The following KIAA1217 variants were observed in gnomAD, a reference collection of about 807,000 sequenced individuals.
The protein encoded by KIAA1217 is KIAA1217, also known as sickle tail protein homolog.
Under a neutral mutation model 163.9 loss-of-function variants are expected in KIAA1217, and 88 were observed. The observed-to-expected ratio is 0.54, with a 90% confidence interval of 0.45 to 0.64. KIAA1217 has a LOEUF of 0.64. Among genes scored for constraint, KIAA1217 ranks in the 30% least tolerant of loss-of-function variants. The pLI, the probability that KIAA1217 is intolerant of heterozygous loss-of-function variation, is 0.00. For synonymous variants in KIAA1217, 903 were observed against 923.1 expected (o/e 0.98, Z 0.39); for missense variants, 2,372 against 2,475.0 (o/e 0.96, Z 0.88).
At position 24,154,530 on chromosome 10, in the gene KIAA1217, G is replaced by A. The variant is rs12265310; in HGVS notation, c.-170-65096G>A. Among the ~76,000 whole-genome samples the A allele has an allele frequency of 3.2e-3, 482 of 152,268 alleles. 1 individual carries two copies. The highest frequency in any genetic ancestry group is 0.011 in the African/African-American group (451 of 41,554). On this transcript the variant is annotated intron_variant, in intron 2 of 18. Coordinates refer to the KIAA1217 transcript ENST00000376462. The stretch of plus-strand genomic sequence containing the variant: ...TATAAAAGCACTTAGTGCATTGTGT[G>A]ATGCTGCATACCTGAAGCACCTGGA...
intron 2 of KIAA1217, among the ~76,000 whole-genome samples, chr10:24,193,801 T>TAC (rs10562687): frequency 0.064 from 9,143 of 142,232 alleles, 311 homozygotes; most frequent in East Asian, 0.12. Context: ...CAGCGTTTTC[T>TAC]ACACACACAC....
intron 2 of KIAA1217, among the ~76,000 whole-genome samples, chr10:24,343,322 A>G (rs1250174258): frequency 2.0e-5 from 3 of 152,200 alleles, no homozygotes; most frequent in East Asian, 1.9e-4. Context: ...TGCTAACCCA[A>G]TGAGTAAAAA....
Position 24,162,563 on chromosome 10 carries a change from A to C in KIAA1217, c.-170-57063A>C, listed in dbSNP as rs147628121. Among the ~76,000 whole-genome samples the C allele has an allele frequency of 3.9e-5, 6 of 152,322 alleles. No homozygotes were observed. The East Asian group carries it at 1.2e-3, about 29-fold the overall frequency. Reference sequence around the variant, plus strand: ...GTCACTAAGTAATGCAGCCCATCACATGGTACCTGGGATGATTTCAAGGAA... The same window carrying C: ...GTCACTAAGTAATGCAGCCCATCACCTGGTACCTGGGATGATTTCAAGGAA... On this transcript the variant is annotated intron_variant, in intron 2 of 18. Coordinates refer to the KIAA1217 transcript ENST00000376462.
chr10:23,860,098 G>T (rs146897531), intron 1 of KIAA1217, among the ~76,000 whole-genome samples: 126 of 152,234 alleles, frequency 8.3e-4, no homozygotes, highest in African/African-American at 2.8e-3. Flanking sequence ...CGTACGTTCT[G>T]ATTTCCATGG....
chr10:23,855,070 G>C (rs1202503995), intron 1 of KIAA1217, among the ~76,000 whole-genome samples: 4 of 152,164 alleles, frequency 2.6e-5, no homozygotes, highest in Non-Finnish European at 5.9e-5. Flanking sequence ...ATGTTAGCTG[G>C]TTATTTTGCT....
chr10:23,721,354 C>A (rs1337761399), intron 1 of KIAA1217, among the ~76,000 whole-genome samples: 4 of 152,182 alleles, frequency 2.6e-5, no homozygotes, highest in African/African-American at 7.2e-5. Flanking sequence ...TTGGAGCTGT[C>A]AGCTTTCACC....
chr10:24,189,842 C>T (rs1226377709), intron 2 of KIAA1217, among the ~76,000 whole-genome samples: 3 of 151,682 alleles, frequency 2.0e-5, no homozygotes, highest in Non-Finnish European at 2.9e-5. Flanking sequence ...CTAGTGAGAC[C>T]GCATCTCTAC....
chr10:24,285,560 G>A (rs1271043008), intron 2 of KIAA1217, among the ~76,000 whole-genome samples: 1 of 152,084 alleles, frequency 6.6e-6, no homozygotes, highest in Non-Finnish European at 1.5e-5. Flanking sequence ...TTCTTATTCT[G>A]TTGGTCTATG....
chr10:24,263,880 A>C (rs1462780197), intron 2 of KIAA1217, among the ~76,000 whole-genome samples: 2 of 151,980 alleles, frequency 1.3e-5, no homozygotes, highest in East Asian at 3.9e-4. Flanking sequence ...TTTTTGAGAC[A>C]GAATCTCGCT....
intron 2 of KIAA1217, among the ~76,000 whole-genome samples, chr10:24,052,266 A>G (rs989591750): frequency 1.3e-5 from 2 of 152,154 alleles, no homozygotes; most frequent in Non-Finnish European, 2.9e-5. Context: ...TATAAGACAC[A>G]GGTTTGTTTT....
At chr10:24,203,009 G>A (rs1266659019) in intron 2 of KIAA1217, among the ~76,000 whole-genome samples, 1 of 152,118 alleles carries the variant, frequency 6.6e-6, no homozygotes, top group Non-Finnish European at 1.5e-5. Flanking sequence ...GAGCAACATA[G>A]TGAGACCTAA....
intron 2 of KIAA1217, among the ~76,000 whole-genome samples, chr10:24,046,742 T>A (rs958594046): frequency 4.6e-5 from 7 of 152,152 alleles, no homozygotes; most frequent in Non-Finnish European, 8.8e-5. Context: ...GATGGCAACA[T>A]AGAGCCAAAC....
intron 1 of KIAA1217, among the ~76,000 whole-genome samples, chr10:23,985,661 C>T (rs764783662): frequency 5.9e-5 from 9 of 152,206 alleles, no homozygotes; most frequent in Non-Finnish European, 1.0e-4. Context: ...CAATGCATAA[C>T]AAGCAAAGTC....
At chr10:24,516,554 T>A (rs2134379964) in intron 10 of KIAA1217, among the ~76,000 whole-genome samples, 1 of 152,338 alleles carries the variant, frequency 6.6e-6, no homozygotes, top group South Asian at 2.1e-4. Context: ...CATTTGAGAG[T>A]TACTGCCTAG....
intron 2 of KIAA1217, among the ~76,000 whole-genome samples, chr10:24,089,985 G>A (rs1018628247): frequency 2.0e-5 from 3 of 151,632 alleles, no homozygotes; most frequent in Non-Finnish European, 4.4e-5. Flanking sequence ...GCATTGCCAA[G>A]TCAATCCTAA....
At chr10:23,864,651 TTTGTTTGTCTGTAGCAC>T (rs1457187211) in intron 1 of KIAA1217, among the ~76,000 whole-genome samples, 3 of 152,028 alleles carry the variant, frequency 2.0e-5, no homozygotes, top group Non-Finnish European at 4.4e-5. Flanking sequence ...GAATAGGGCT[TTTGTTTGTCTGTAGCAC>T]TGGAAATATT....
chr10:24,012,351 T>TA (rs1176752717), intron 2 of KIAA1217, among the ~76,000 whole-genome samples: 1 of 152,112 alleles, frequency 6.6e-6, no homozygotes, highest in Non-Finnish European at 1.5e-5. Context: ...AGGTTATTCT[T>TA]ACAACTCTCT....
intron 1 of KIAA1217, among the ~76,000 whole-genome samples, chr10:23,750,466 T>A (rs1216485528): frequency 6.6e-6 from 1 of 152,156 alleles, no homozygotes; most frequent in Non-Finnish European, 1.5e-5. Context: ...TTTAACCTCC[T>A]CTTCACAGTT....
At chr10:24,192,550 AGCCCAG>A (rs2066775009) in intron 2 of KIAA1217, among the ~76,000 whole-genome samples, 1 of 152,228 alleles carries the variant, frequency 6.6e-6, no homozygotes, top group Admixed American at 6.5e-5. Flanking sequence ...ATTTGTTCAC[AGCCCAG>A]GCTTCTAAGA....
Sources: allele counts gnomAD v4.1 joint callset (sites outside exome capture counted in the v4.1 genomes callset), GRCh38; gene constraint gnomAD v4.1.1; transcripts MANE v1.5; gene names NCBI Gene and HGNC (gene_info 2026-07-23, HGNC 2026-07-21).